The following SGCZ variants were observed in gnomAD, a reference collection of about 807,000 sequenced individuals.
SGCZ encodes zeta-sarcoglycan.
Under a neutral mutation model 41.3 loss-of-function variants are expected in SGCZ, and 40 were observed. The observed-to-expected ratio is 0.97, with a 90% CI of 0.75 to 1.26. The LOEUF is 1.26. Ranked by LOEUF, SGCZ falls within the 50% of genes most tolerant of loss-of-function variation. The probability of loss-of-function intolerance (pLI) is 0.00; values close to 1 mark genes in which losing one functional copy is unlikely to be tolerated. For synonymous variants in SGCZ, 206 were observed against 137.5 expected, an observed-to-expected ratio of 1.50 and a Z score of -3.49; for missense variants, 552 against 369.8, an observed-to-expected ratio of 1.49 and a Z score of -4.04.
intron 1 of SGCZ, among the ~76,000 whole-genome samples, chr8:14,813,789 T>C (rs1256794936): frequency 6.6e-6 from 1 of 152,046 alleles, no homozygotes; most frequent in African/African-American, 2.4e-5. Flanking sequence ...TCATCTCTAC[T>C]AAAAATACAA....
At chr8:14,368,662 T>TA (rs916239656) in intron 2 of SGCZ, among the ~76,000 whole-genome samples, 13 of 152,146 alleles carry the variant, frequency 8.5e-5, no homozygotes, top group African/African-American at 2.9e-4. Context: ...CAGTGAATAA[T>TA]AAGAGACATT....
intron 1 of SGCZ, among the ~76,000 whole-genome samples, chr8:14,767,787 T>C (rs183020122): frequency 5.5e-4 from 84 of 152,322 alleles, no homozygotes; most frequent in African/African-American, 1.9e-3. Flanking sequence ...AAATTCTGTG[T>C]AAAGCACTGT....
intron 2 of SGCZ, among the ~76,000 whole-genome samples, chr8:14,425,763 A>G (rs890534363): frequency 8.5e-5 from 13 of 152,238 alleles, no homozygotes; most frequent in Non-Finnish European, 1.6e-4. Flanking sequence ...CATCTCTTCT[A>G]TAACTTAAGA....
At chr8:14,826,400 G>A (rs1179875342) in intron 1 of SGCZ, among the ~76,000 whole-genome samples, 1 of 152,108 alleles carries the variant, frequency 6.6e-6, no homozygotes, top group Non-Finnish European at 1.5e-5. Context: ...ACATACATGT[G>A]CATGTGTCTT....
At chr8:14,975,827 A>G (rs1384981606) in intron 1 of SGCZ, among the ~76,000 whole-genome samples, 2 of 142,452 alleles carry the variant, frequency 1.4e-5, no homozygotes, top group Admixed American at 7.0e-5. Context: ...GTGTGTGTAG[A>G]AATAGTTATG....
intron 1 of SGCZ, among the ~76,000 whole-genome samples, chr8:15,154,672 C>T (rs149180888): frequency 6.6e-6 from 1 of 152,148 alleles, no homozygotes; most frequent in Non-Finnish European, 1.5e-5. Flanking sequence ...AGCAACCATC[C>T]TTCAGAAACC....
intron 1 of SGCZ, among the ~76,000 whole-genome samples, chr8:14,669,465 G>A (rs985527738): frequency 1.3e-5 from 2 of 151,922 alleles, no homozygotes; most frequent in African/African-American, 4.8e-5. Flanking sequence ...CCTTTGACCA[G>A]TATCTACCCA....
intron 1 of SGCZ, among the ~76,000 whole-genome samples, chr8:15,065,266 G>C (rs1805087146): frequency 6.6e-6 from 1 of 151,966 alleles, no homozygotes; most frequent in Non-Finnish European, 1.5e-5. Context: ...CTATGATTCA[G>C]TTTGGTATTC....
At chr8:14,468,016 CTAAG>C (rs1237720528) in intron 2 of SGCZ, among the ~76,000 whole-genome samples, 1 of 151,868 alleles carries the variant, frequency 6.6e-6, no homozygotes, top group African/African-American at 2.4e-5. Context: ...AAATTAGTTC[CTAAG>C]TGTTAATAAA....
intron 4 of SGCZ, among the ~76,000 whole-genome samples, chr8:14,232,497 C>G (rs1399091280): frequency 6.6e-6 from 1 of 151,874 alleles, no homozygotes; most frequent in Non-Finnish European, 1.5e-5. Flanking sequence ...TATTTAAGCC[C>G]TAAGTTTCAA....
intron 1 of SGCZ, among the ~76,000 whole-genome samples, chr8:15,041,979 G>T (rs1311758465): frequency 1.3e-5 from 2 of 152,018 alleles, no homozygotes; most frequent in Non-Finnish European, 2.9e-5. Context: ...AGATAAAAAA[G>T]GCTAAAGGAA....
At chr8:14,402,138 T>C (rs1188282660) in intron 2 of SGCZ, among the ~76,000 whole-genome samples, 2 of 152,160 alleles carry the variant, frequency 1.3e-5, no homozygotes, top group Non-Finnish European at 2.9e-5. Flanking sequence ...TGGGGTTGTT[T>C]GTTTTCTTCT....
At chr8:14,652,441 A>T (rs1247642310) in intron 1 of SGCZ, among the ~76,000 whole-genome samples, 1 of 151,880 alleles carries the variant, frequency 6.6e-6, no homozygotes, top group Non-Finnish European at 1.5e-5. Flanking sequence ...TGATATCTAT[A>T]AGCAATTAAG....
chr8:14,294,252 T>G (rs947727229), intron 3 of SGCZ, among the ~76,000 whole-genome samples: 2 of 151,918 alleles, frequency 1.3e-5, no homozygotes, highest in African/African-American at 4.8e-5. Context: ...ATATATTTAT[T>G]TGTGAGCTTC....
At chr8:15,041,580 C>T (rs1171021770) in intron 1 of SGCZ, among the ~76,000 whole-genome samples, 2 of 151,870 alleles carry the variant, frequency 1.3e-5, no homozygotes, top group Non-Finnish European at 2.9e-5. Flanking sequence ...GAAGTATTTC[C>T]TAGTCAGATT....
intron 1 of SGCZ, among the ~76,000 whole-genome samples, chr8:14,615,629 C>T (rs1158664478): frequency 6.6e-6 from 1 of 152,114 alleles, no homozygotes; most frequent in Non-Finnish European, 1.5e-5. Flanking sequence ...CGGAAGAACC[C>T]AGTAAGAGGT....
chr8:14,270,804 C>T (rs1800032112), intron 3 of SGCZ, among the ~76,000 whole-genome samples: 1 of 152,022 alleles, frequency 6.6e-6, no homozygotes, highest in Admixed American at 6.6e-5. Flanking sequence ...CCCAAATGTC[C>T]AACAATGATA....
At chr8:15,086,063 G>A (rs971488218) in intron 1 of SGCZ, among the ~76,000 whole-genome samples, 3 of 152,096 alleles carry the variant, frequency 2.0e-5, no homozygotes, top group Non-Finnish European at 4.4e-5. Flanking sequence ...AAATGTAATC[G>A]ATTTCCATGG....
intron 2 of SGCZ, among the ~76,000 whole-genome samples, chr8:14,443,261 A>T (rs1270215168): frequency 8.5e-5 from 13 of 152,208 alleles, no homozygotes. Flanking sequence ...ATTCAATGCC[A>T]TCCCCATCAA....
Sources: allele counts gnomAD v4.1 joint callset (sites outside exome capture counted in the v4.1 genomes callset), GRCh38; gene constraint gnomAD v4.1.1; transcripts MANE v1.5; gene names NCBI Gene and HGNC (gene_info 2026-07-23, HGNC 2026-07-21).